NELL1: variants seen among roughly 807,000 people sequenced by gnomAD.
NELL1 encodes protein kinase C-binding protein NELL1.
Under a neutral mutation model 107.4 loss-of-function variants are expected in NELL1, and 76 were observed. That is an observed-to-expected ratio of 0.71 (90% confidence interval 0.59 to 0.86). The LOEUF (loss-of-function observed/expected upper bound fraction) is 0.86. Among genes scored for constraint, NELL1 ranks in the 40% least tolerant of loss-of-function variants. NELL1 has a pLI of 0.00. For synonymous variants in NELL1, 353 were observed against 341.2 expected (o/e 1.03, Z -0.38); for missense variants, 1,024 against 1,005.5 (o/e 1.02, Z -0.25).
At chr11:21,495,694 A>G (rs1389079960) in intron 15 of NELL1, among the ~76,000 whole-genome samples, 2 of 151,996 alleles carry the variant, frequency 1.3e-5, no homozygotes, top group African/African-American at 2.4e-5. Flanking sequence ...TTTTGATTCA[A>G]GTTGTCCTGG....
chr11:20,817,405 A>G (rs778229196), intron 3 of NELL1, among the ~76,000 whole-genome samples: 6 of 151,898 alleles, frequency 4.0e-5, no homozygotes, highest in Non-Finnish European at 5.9e-5. Flanking sequence ...TTTCCTCTAG[A>G]TTTTCGAGTT....
intron 13 of NELL1, among the ~76,000 whole-genome samples, chr11:21,171,945 A>G (rs1349452590): frequency 6.6e-6 from 1 of 151,870 alleles, no homozygotes; most frequent in Non-Finnish European, 1.5e-5. Flanking sequence ...TATTCTTCTT[A>G]TGACTTTTGC....
intron 15 of NELL1, among the ~76,000 whole-genome samples, chr11:21,386,391 A>G (rs1007243175): frequency 6.6e-6 from 1 of 151,704 alleles, no homozygotes; most frequent in African/African-American, 2.4e-5. Context: ...ATCTTTTTTT[A>G]AAAAAACCTT....
intron 2 of NELL1, 56 bp downstream of exon 2, chr11:20,678,116 G>C: frequency 1.3e-6 from 2 of 1,595,210 alleles, no homozygotes; most frequent in Non-Finnish European, 1.7e-6. Context: ...GGGTCTGTCT[G>C]GGGAGTGCTC....
At chr11:21,053,745 C>A (rs16907379) in intron 12 of NELL1, among the ~76,000 whole-genome samples, 10,551 of 152,200 alleles carry the variant, frequency 0.069, 511 homozygotes, top group East Asian at 0.14. Flanking sequence ...ATTGTCAGGC[C>A]TGGGAAGGTT....
intron 15 of NELL1, among the ~76,000 whole-genome samples, chr11:21,451,337 G>A (rs1853580298): frequency 6.6e-6 from 1 of 152,166 alleles, no homozygotes; most frequent in Non-Finnish European, 1.5e-5. Context: ...TAGCAGGGCT[G>A]ATGTGTTGTT....
chr11:20,736,589 C>T (rs1335861954), intron 2 of NELL1, among the ~76,000 whole-genome samples: 1 of 152,108 alleles, frequency 6.6e-6, no homozygotes, highest in Non-Finnish European at 1.5e-5. Flanking sequence ...TGTCCATTGT[C>T]TAAAATACAG....
intron 15 of NELL1, among the ~76,000 whole-genome samples, chr11:21,380,698 G>T (rs1411982764): frequency 6.6e-6 from 1 of 151,932 alleles, no homozygotes; most frequent in Non-Finnish European, 1.5e-5. Context: ...ATCTTTCCAG[G>T]TTGCAGACAT....
At chr11:20,750,900 TTG>T (rs1289007464) in intron 2 of NELL1, among the ~76,000 whole-genome samples, 1 of 152,152 alleles carries the variant, frequency 6.6e-6, no homozygotes, top group Non-Finnish European at 1.5e-5. Context: ...GAATTAATTT[TTG>T]TGTGTGATAT....
At chr11:20,846,946 G>C (rs1429798) in intron 3 of NELL1, among the ~76,000 whole-genome samples, 51,314 of 151,994 alleles carry the variant, frequency 0.34, 10,012 homozygotes, top group African/African-American at 0.53. Flanking sequence ...TTTCTTATGG[G>C]TTTGAAAAAC....
intron 3 of NELL1, among the ~76,000 whole-genome samples, chr11:20,838,578 G>T (rs576707420): frequency 6.6e-6 from 1 of 151,836 alleles, no homozygotes; most frequent in East Asian, 1.9e-4. Flanking sequence ...TGCCTATGAG[G>T]GTTGTTGGAT....
At position 21,192,332 on chromosome 11, in the gene NELL1, G is replaced by A. The variant is rs568834501; in HGVS notation, c.1427-37000G>A. Among the ~76,000 whole-genome samples the A allele has an allele frequency of 5.3e-5, 8 of 151,906 alleles. No homozygotes were observed. In the East Asian group the frequency reaches 5.8e-4, roughly 11 times the overall value. Reference sequence around the variant, plus strand: ...ATTAATTTTTAGTAAGTGAGATGGCGAAGTTCTTATTGTTCTGTATGCTAA... The same window carrying A: ...ATTAATTTTTAGTAAGTGAGATGGCAAAGTTCTTATTGTTCTGTATGCTAA... On this transcript the variant is annotated intron_variant, in intron 13 of 19. Coordinates refer to ENST00000357134, the MANE Select transcript of NELL1 (RefSeq NM_006157.5).
intron 14 of NELL1, among the ~76,000 whole-genome samples, chr11:21,294,563 T>A (rs1248115420): frequency 6.6e-6 from 1 of 152,102 alleles, no homozygotes; most frequent in Non-Finnish European, 1.5e-5. Context: ...GAGTTTATGA[T>A]GTCATATGTT....
Position 21,350,180 on chromosome 11 carries a change from T to C in NELL1, c.1550-20673T>C, listed in dbSNP as rs78116753. Among the ~76,000 whole-genome samples, 799 of 152,226 alleles carry C rather than the reference T, an allele frequency of 5.2e-3. 8 individuals carry two copies. Among genetic ancestry groups the C allele is most frequent in the African/African-American group, 0.016 (665 of 41,550 alleles). Reference sequence around the variant, plus strand: ...TTAATTATTTAGACATTTTCTCTCATGCTCACTGCTTTGATAGTCTTTCTT... The same window carrying C: ...TTAATTATTTAGACATTTTCTCTCACGCTCACTGCTTTGATAGTCTTTCTT... On this transcript the variant is annotated intron_variant, in intron 14 of 19. Coordinates refer to ENST00000357134, the MANE Select transcript of NELL1 (RefSeq NM_006157.5).
intron 12 of NELL1, among the ~76,000 whole-genome samples, chr11:21,112,649 A>C (rs1438540558): frequency 1.3e-5 from 2 of 152,056 alleles, no homozygotes; most frequent in Non-Finnish European, 2.9e-5. Flanking sequence ...GAATTAGATA[A>C]TATCTTTACA....
chr11:21,404,010 C>CCT (rs1554905727), intron 15 of NELL1, among the ~76,000 whole-genome samples: 2 of 108,158 alleles, frequency 1.8e-5, no homozygotes, highest in African/African-American at 3.4e-5. Context: ...CCTGAACCCC[C>CCT]CCCCCCGCAA....
chr11:21,352,358 A>G (rs1167041125), intron 14 of NELL1, among the ~76,000 whole-genome samples: 1 of 152,142 alleles, frequency 6.6e-6, no homozygotes, highest in East Asian at 1.9e-4. Flanking sequence ...TGTTATTGTT[A>G]AGTGCTTAGG....
At chr11:20,725,769 T>C (rs1032036308) in intron 2 of NELL1, among the ~76,000 whole-genome samples, 43 of 152,328 alleles carry the variant, frequency 2.8e-4, no homozygotes, top group Middle Eastern at 3.4e-3. Context: ...ACATTTATTT[T>C]AGATTCAGGG....
intron 2 of NELL1, among the ~76,000 whole-genome samples, chr11:20,727,314 T>C (rs1423920812): frequency 2.0e-5 from 3 of 152,194 alleles, no homozygotes; most frequent in Non-Finnish European, 1.5e-5. Flanking sequence ...TGGTATCTCA[T>C]TGTGGTTTTG....
Sources: gnomAD v4.1 joint callset for allele counts (sites outside exome capture counted in the v4.1 genomes callset) on GRCh38, gnomAD v4.1.1 for gene constraint, MANE v1.5 for transcripts, NCBI Gene and HGNC (gene_info 2026-07-23, HGNC 2026-07-21) for gene names.